DYSF: variants seen among roughly 807,000 people sequenced by gnomAD.
DYSF encodes dystrophy-associated fer-1-like 1.
In DYSF, 212 loss-of-function variants were observed where a neutral mutation model predicts 274.9. The ratio of observed to expected loss-of-function variants is 0.77; its 90% confidence interval spans 0.69 to 0.86. DYSF has a LOEUF of 0.86. DYSF is among the 40% of genes least tolerant of loss of function. DYSF has a pLI of 0.00. For synonymous variants in DYSF, 1,091 were observed against 1,078.7 expected (o/e 1.01, Z -0.22); for missense variants, 2,666 against 2,783.2 (o/e 0.96, Z 0.95).
intron 3 of DYSF, among the ~76,000 whole-genome samples, chr2:71,483,730 A>G (rs1485867490): frequency 6.6e-6 from 1 of 152,180 alleles, no homozygotes; most frequent in East Asian, 1.9e-4. Flanking sequence ...ACCGTTACAG[A>G]TGGGGAAACT....
In DYSF at chr2:71,574,220, G is replaced by A; in HGVS notation, c.3251G>A (p.Gly1084Asp). Reference sequence around the variant, plus strand: ...CAGCACAGGCAGGCGGAGGCGGAGGGCGAGGGCTGGGAGTACGCCTCTCTT... The same window carrying A: ...CAGCACAGGCAGGCGGAGGCGGAGGACGAGGGCTGGGAGTACGCCTCTCTT... ...LKRHRQAEAE[G>D]EGWEYASLFG... The change falls in exon 30 of 56, where the codon GGC becomes GAC. Residue 1084 changes from glycine to aspartate, a missense_variant. Physicochemically the swap from Gly to Asp is moderately conservative, Grantham distance 94. Transcript: ENST00000410020. The A allele has an allele frequency of 2.5e-6, 4 of 1,595,196 alleles. No homozygotes were observed. Among genetic ancestry groups the A allele is most frequent in the African/African-American group, 2.7e-5 (2 of 74,894 alleles).
At chr2:71,532,830 T>TTCTATCTATCTATCTGTCTATCTATCTA (rs369157878) in intron 14 of DYSF, among the ~76,000 whole-genome samples, 2 of 147,438 alleles carry the variant, frequency 1.4e-5, no homozygotes, top group Non-Finnish European at 3.0e-5. Flanking sequence ...AGTACATTTA[T>TTCTATCTATCTATCTGTCTATCTATCTA]TCTATCTATC....
intron 16 of DYSF, among the ~76,000 whole-genome samples, chr2:71,537,223 G>GTTTTGTTTTTTTTTTTTT (rs1553536523): frequency 2.5e-5 from 2 of 79,622 alleles, no homozygotes; most frequent in African/African-American, 9.4e-5. Flanking sequence ...TTCTAGTTTT[G>GTTTTGTTTTTTTTTTTTT]TTTTTTTTTT....
chr2:71,559,176 A>G (rs947189532), intron 22 of DYSF, among the ~76,000 whole-genome samples: 2 of 151,882 alleles, frequency 1.3e-5, no homozygotes, highest in African/African-American at 4.8e-5. Context: ...AGACCTATGA[A>G]CCCAAGGTGC....
rs79619472 is a variant in DYSF at position 71,674,692 on chromosome 2, C to T, written c.5884+396C>T. ...GTCTTCATCCTTGTGCCTGTGTGAC[C>T]GACTGAGTGAACAAACCCAGGCTCT... On this transcript the variant is annotated intron_variant, in intron 52 of 55. Transcript: ENST00000410020. Among the ~76,000 whole-genome samples, 1,226 of 152,314 alleles carry T rather than the reference C, an allele frequency of 8.0e-3. 13 individuals are homozygous for T. Among genetic ancestry groups the T allele is most frequent in the African/African-American group, 0.027 (1,107 of 41,576 alleles).
At chr2:71,504,660 C>T (rs2085312598) in intron 4 of DYSF, among the ~76,000 whole-genome samples, 2 of 152,212 alleles carry the variant, frequency 1.3e-5, no homozygotes, top group South Asian at 4.1e-4. Flanking sequence ...TGGGGTCAGG[C>T]TTGGTTCTCA....
chr2:71,668,933 G>A (rs2152955710), intron 49 of DYSF, 91 bp downstream of exon 49: 1 of 1,437,188 alleles, frequency 7.0e-7, no homozygotes, highest in African/African-American at 1.4e-5. Flanking sequence ...GCTCTTTTCT[G>A]CCGGGCTTCA....
Position 71,515,752 on chromosome 2 carries a change from G to A in DYSF, c.888+1G>A, listed in dbSNP as rs886044377. ...GGGAAACAGCCCACTCTTCAATGAG[G>A]TGGGAGACATGGGGCATGAGGGCCA... On this transcript the variant is annotated splice_donor_variant, in intron 8 of 55. Coordinates refer to ENST00000410020, the MANE Select transcript of DYSF (RefSeq NM_001130987.2). LOFTEE classifies it high-confidence loss of function. The A allele has an allele frequency of 6.2e-7, 1 of 1,614,150 alleles. No individual in the cohort carries two copies. The highest frequency in any genetic ancestry group is 8.5e-7 in the Non-Finnish European group (1 of 1,180,028).
chr2:71,478,075 T>C (rs2082541053), intron 1 of DYSF, among the ~76,000 whole-genome samples: 1 of 151,548 alleles, frequency 6.6e-6, no homozygotes. Flanking sequence ...TATGTGTCAC[T>C]TATGTTAATA....
In DYSF at chr2:71,526,340, C is replaced by G. The variant is rs762086206; in HGVS notation, c.1270C>G (p.Pro424Ala). Residue 424 changes from proline to alanine, a missense_variant, in exon 13 of 56, where the codon CCG (proline) becomes GCG (alanine). This residue lies in a region of DYSF where 794 missense variants were observed against 777.1 expected (regional missense o/e 1.02). Coordinates refer to ENST00000410020, the MANE Select transcript of DYSF (RefSeq NM_001130987.2). ...CLKVFRAEDL[P>A]QMDDAVMDNV... ...GAAGGTCTTCCGGGCCGAGGACTTGCCGCAGAGTGCGTGGGGCGCGCCCTT... is the reference window on the plus strand; with the variant it reads ...GAAGGTCTTCCGGGCCGAGGACTTGGCGCAGAGTGCGTGGGGCGCGCCCTT... The G allele has an allele frequency of 6.2e-7, 1 of 1,613,822 alleles. No homozygotes were observed. Among genetic ancestry groups the G allele is most frequent in the Non-Finnish European group, 8.5e-7 (1 of 1,179,844 alleles).
At chr2:71,627,434 A>G (rs372241940) in intron 41 of DYSF, among the ~76,000 whole-genome samples, 3 of 152,102 alleles carry the variant, frequency 2.0e-5, no homozygotes, top group Non-Finnish European at 2.9e-5. Context: ...AATGGTCTCT[A>G]TGGTCCAGAG....
chr2:71,548,256 C>T (rs1429666664), intron 17 of DYSF, among the ~76,000 whole-genome samples: 1 of 152,216 alleles, frequency 6.6e-6, no homozygotes, highest in African/African-American at 2.4e-5. Context: ...GCTCCCTTCT[C>T]TCTTCTCCAC....
intron 14 of DYSF, among the ~76,000 whole-genome samples, chr2:71,530,874 C>T (rs989351503): frequency 3.3e-5 from 5 of 151,982 alleles, no homozygotes; most frequent in African/African-American, 1.2e-4. Flanking sequence ...TTCTGTGTAC[C>T]CACCCACCCC....
chr2:71,553,752 A>AACC, intron 20 of DYSF, 55 bp from the exon 21 acceptor site: 6 of 267,802 alleles, frequency 2.2e-5, no homozygotes, highest in African/African-American at 4.3e-5. Flanking sequence ...TTAGCACCCC[A>AACC]TCCCACCCGC....
At chr2:71,618,045 T>TGTGTGTGTGTGGTAGAGATGGG (rs1558637190) in intron 40 of DYSF, among the ~76,000 whole-genome samples, 1 of 101,806 alleles carries the variant, frequency 9.8e-6, no homozygotes, top group Non-Finnish European at 2.0e-5. Flanking sequence ...AGATGGTGTG[T>TGTGTGTGTGTGGTAGAGATGGG]GTGTGTGTGT....
chr2:71,586,753 C>A (rs970660266), intron 30 of DYSF, among the ~76,000 whole-genome samples: 2 of 151,968 alleles, frequency 1.3e-5, no homozygotes, highest in African/African-American at 2.4e-5. Context: ...CAGCCATCCG[C>A]GAGCAGGGAG....
chr2:71,681,491 GA>G (rs1271160973), intron 54 of DYSF, among the ~76,000 whole-genome samples: 1 of 152,238 alleles, frequency 6.6e-6, no homozygotes, highest in Non-Finnish European at 1.5e-5. Flanking sequence ...TGGTGAAGCA[GA>G]AATGCTCTCA....
At chr2:71,673,722 C>G (rs973427522) in intron 51 of DYSF, among the ~76,000 whole-genome samples, 4 of 152,160 alleles carry the variant, frequency 2.6e-5, no homozygotes, top group Non-Finnish European at 4.4e-5. Flanking sequence ...CACTTCCTAG[C>G]TATGTGGTCT....
intron 30 of DYSF, among the ~76,000 whole-genome samples, chr2:71,582,214 G>C (rs1420694338): frequency 6.6e-6 from 1 of 150,686 alleles, no homozygotes. Flanking sequence ...CAGCCGAACA[G>C]TTGCAGCAGA....
Sources: gnomAD v4.1 joint callset for allele counts (sites outside exome capture counted in the v4.1 genomes callset) on GRCh38, gnomAD v4.1.1 for gene constraint, gnomAD v4.1.1 regional missense constraint, MANE v1.5 for transcripts, NCBI Gene and HGNC (gene_info 2026-07-23, HGNC 2026-07-21) for gene names.